Variants in TACR1 observed in about 807,000 individuals in gnomAD.
TACR1 encodes tachykinin receptor 1.
A neutral mutation model predicts 35.8 loss-of-function variants in TACR1; 25 were observed. The ratio of observed to expected loss-of-function variants is 0.70; its 90% confidence interval spans 0.51 to 0.98. The LOEUF is 0.98. TACR1 is among the 50% of genes least tolerant of loss of function. The pLI is 0.00. For missense variants in TACR1, 478 were observed against 522.9 expected (o/e 0.91, Z 0.84); for synonymous variants, 195 against 206.7 (o/e 0.94, Z 0.48).
rs541644332 is a variant in TACR1, at chr2:75,049,268, AT to A, written c.*163del. ...GTGGCAAAGATAGGGAAGAATTGAGATTTTTTGACTCAAGGATGGAATGTTT... is the reference window on the plus strand; with the variant it reads ...GTGGCAAAGATAGGGAAGAATTGAGATTTTTGACTCAAGGATGGAATGTTT... On this transcript the variant is annotated 3_prime_UTR_variant, in exon 5 of 5. Coordinates refer to ENST00000305249, the MANE Select transcript of TACR1 (RefSeq NM_001058.4). 1 of 756,330 alleles carries A rather than the reference AT, an allele frequency of 1.3e-6. No individual in the cohort carries two copies. The highest frequency in any genetic ancestry group is 2.1e-6 in the Non-Finnish European group (1 of 482,178). The allele number at this position is 756,330 out of a possible 1,614,324, so 46.9% of individuals were successfully genotyped here. A position where few individuals can be genotyped will look rare whatever the true frequency, so the allele number is the denominator to read the frequency against.
chr2:75,080,156 T>A (rs1036897108), intron 2 of TACR1, among the ~76,000 whole-genome samples: 1 of 152,208 alleles, frequency 6.6e-6, no homozygotes, highest in Admixed American at 6.5e-5. Flanking sequence ...TAGAACTTTC[T>A]AATTAAGTTG....
At chr2:75,082,947 A>G (rs1347766315) in intron 2 of TACR1, among the ~76,000 whole-genome samples, 1 of 150,152 alleles carries the variant, frequency 6.7e-6, no homozygotes, top group Non-Finnish European at 1.5e-5. Flanking sequence ...CCATTTGTCA[A>G]TTTTGGCTTT....
intron 2 of TACR1, among the ~76,000 whole-genome samples, chr2:75,088,668 C>G (rs530596474): frequency 1.1e-4 from 17 of 152,238 alleles, no homozygotes; most frequent in African/African-American, 4.1e-4. Flanking sequence ...TCTCCTCCTT[C>G]TAGCAGGTGG....
intron 2 of TACR1, chr2:75,118,792 A>C (rs1435981813): frequency 6.6e-6 from 1 of 152,224 alleles, no homozygotes; most frequent in African/African-American, 2.4e-5. Context: ...GATATTTCTG[A>C]AACAGTTTAT....
chr2:75,154,497 C>CACACACACACAG (rs1320080800), intron 1 of TACR1: 1 of 130,282 alleles, frequency 7.7e-6, no homozygotes, highest in African/African-American at 3.1e-5. Context: ...ACCACACACA[C>CACACACACACAG]ACACACACAC....
rs1024732964 is a variant in TACR1, at chr2:75,083,864, A to G, written c.585-30109T>C. 1.2e-4 allele frequency among the ~76,000 whole-genome samples: 19 copies of G among 152,300 alleles called. No homozygotes were observed. The East Asian group carries it at 1.3e-3, about 11-fold the overall frequency. ...GGTTTTCTAGATATACAATCATGTCATCTGCAAACAGGGACAATTTGACTT... is the reference window on the plus strand; with the variant it reads ...GGTTTTCTAGATATACAATCATGTCGTCTGCAAACAGGGACAATTTGACTT... On this transcript the variant is annotated intron_variant, in intron 2 of 4. Coordinates refer to ENST00000305249, the MANE Select transcript of TACR1 (RefSeq NM_001058.4).
At chr2:75,188,832 A>G (rs1265962236) in intron 1 of TACR1, 1 of 152,218 alleles carries the variant, frequency 6.6e-6, no homozygotes, top group Non-Finnish European at 1.5e-5. Context: ...ATAAGAGTAC[A>G]GGTTGGAACC....
At position 75,053,687 on chromosome 2, in the gene TACR1, A is replaced by G. The variant is rs199512420; in HGVS notation, c.653T>C (p.Val218Ala). ...ACTGGCCCATAGTGTGATTCCCACT[A>G]CGGTGTATGCATAGCCAATCACCAG... ...PLLVIGYAYT[V>A]VGITLWASEI... Residue 218 changes from valine (V) to alanine (A), a missense_variant, in exon 3 of 5, where the codon GTA becomes GCA. Val to Ala is a moderately conservative substitution (Grantham distance 64). Coordinates refer to ENST00000305249, the MANE Select transcript of TACR1 (RefSeq NM_001058.4). The G allele has an allele frequency of 9.0e-5, 146 of 1,613,516 alleles. No homozygotes were observed. The highest frequency in any genetic ancestry group is 1.2e-4 in the Non-Finnish European group (145 of 1,179,812).
intron 2 of TACR1, among the ~76,000 whole-genome samples, chr2:75,060,353 T>C (rs1672647003): frequency 6.6e-6 from 1 of 152,156 alleles, no homozygotes; most frequent in Non-Finnish European, 1.5e-5. Flanking sequence ...CATAATGCAT[T>C]GGTGAGATAT....
intron 1 of TACR1, among the ~76,000 whole-genome samples, chr2:75,192,136 CAG>C (rs760693489): frequency 2.0e-4 from 31 of 152,038 alleles, no homozygotes; most frequent in Admixed American, 7.2e-4. Flanking sequence ...TGATGCTAGA[CAG>C]AGTGATGGTA....
At chr2:75,155,986 A>T (rs768212409) in intron 1 of TACR1, among the ~76,000 whole-genome samples, 3 of 152,282 alleles carry the variant, frequency 2.0e-5, no homozygotes, top group Non-Finnish European at 4.4e-5. Flanking sequence ...AAAAATAAAA[A>T]GAAGACTATT....
intron 2 of TACR1, among the ~76,000 whole-genome samples, chr2:75,115,990 G>A (rs1288345987): frequency 6.7e-6 from 1 of 149,680 alleles, no homozygotes; most frequent in Non-Finnish European, 1.5e-5. Context: ...AAAAAAACAA[G>A]GTGCATAACA....
At chr2:75,052,233 T>C (rs1392633230) in intron 3 of TACR1, among the ~76,000 whole-genome samples, 5 of 152,128 alleles carry the variant, frequency 3.3e-5, no homozygotes, top group African/African-American at 1.2e-4. Context: ...CCTTATAAAA[T>C]AGGCCTGAGA....
intron 1 of TACR1, among the ~76,000 whole-genome samples, chr2:75,127,450 A>G (rs1047817490): frequency 6.6e-6 from 1 of 152,196 alleles, no homozygotes; most frequent in East Asian, 1.9e-4. Flanking sequence ...TCTAAAAAGC[A>G]TGAGGTTTTG....
At chr2:75,182,432 G>A (rs1294087661) in intron 1 of TACR1, among the ~76,000 whole-genome samples, 3 of 152,074 alleles carry the variant, frequency 2.0e-5, no homozygotes, top group Non-Finnish European at 4.4e-5. Flanking sequence ...CTGAACTCCC[G>A]CTCTTCCTTT....
At chr2:75,144,976 A>T (rs1353791407) in intron 1 of TACR1, among the ~76,000 whole-genome samples, 1 of 152,150 alleles carries the variant, frequency 6.6e-6, no homozygotes, top group East Asian at 1.9e-4. Flanking sequence ...AAAATAGAGT[A>T]TAGTAGGAAT....
At chr2:75,110,927 C>T (rs945800913) in intron 2 of TACR1, among the ~76,000 whole-genome samples, 1 of 151,966 alleles carries the variant, frequency 6.6e-6, no homozygotes, top group Admixed American at 6.6e-5. Context: ...CCACCTTCCC[C>T]ATAACCTCAC....
chr2:75,198,415 T>C (rs1676045193), intron 1 of TACR1, 131 bp downstream of exon 1: 3 of 1,036,010 alleles, frequency 2.9e-6, no homozygotes, highest in Non-Finnish European at 2.8e-6. Flanking sequence ...AATGACTCAG[T>C]TGATCAGTAA....
At position 75,051,346 on chromosome 2, in the gene TACR1, C is replaced by T; in HGVS notation, c.837G>A (p.Leu279=). 6.2e-7 allele frequency: 1 copy of T among 1,614,156 alleles called. No homozygotes were observed. Among genetic ancestry groups the T allele is most frequent in the Non-Finnish European group, 8.5e-7 (1 of 1,180,030 alleles). ...LLPYINPDLY[L]KKFIQQVYLA... ...GGTAGACCTGCTGGATAAACTTCTT[C>T]AGGTAGAGATCTGGGTTGATGTAGG... Residue 279 remains leucine (L), a synonymous_variant, in exon 4 of 5, where the codon CTG becomes CTA. Coordinates refer to ENST00000305249, the MANE Select transcript of TACR1 (RefSeq NM_001058.4).
Sources: allele counts gnomAD v4.1 joint callset (sites outside exome capture counted in the v4.1 genomes callset), GRCh38; gene constraint gnomAD v4.1.1; transcripts MANE v1.5; gene names NCBI Gene and HGNC (gene_info 2026-07-23, HGNC 2026-07-21).